The following GAREM1 variants were observed in gnomAD, a reference collection of about 807,000 sequenced individuals.
GAREM1 encodes the protein GRB2-associated and regulator of MAPK protein 1.
GAREM1 carries 26 observed loss-of-function variants against 71.3 expected under a neutral mutation model. The observed-to-expected ratio is 0.36, with a 90% confidence interval of 0.27 to 0.51. The LOEUF (loss-of-function observed/expected upper bound fraction) is 0.51, where lower values mean the gene tolerates loss of function less well. GAREM1 is among the 20% of genes least tolerant of loss of function. The pLI is 0.95. For synonymous variants in GAREM1, 440 were observed against 433.2 expected (o/e 1.02, Z -0.20); for missense variants, 1,026 against 1,103.1 (o/e 0.93, Z 0.99).
intron 2 of GAREM1, among the ~76,000 whole-genome samples, chr18:32,379,159 G>A (rs2048068708): frequency 6.6e-6 from 1 of 152,006 alleles, no homozygotes; most frequent in Non-Finnish European, 1.5e-5. Context: ...TAACAGCAGT[G>A]TATAAAAGCC....
At chr18:32,274,997 T>C (rs2041519447) in intron 4 of GAREM1, among the ~76,000 whole-genome samples, 1 of 150,714 alleles carries the variant, frequency 6.6e-6, no homozygotes, top group African/African-American at 2.4e-5. Flanking sequence ...CCATATACCA[T>C]AGAATATCTT....
At position 32,267,702 on chromosome 18, in the gene GAREM1, C is replaced by A. The variant is rs1191158734; in HGVS notation, c.*169G>T. On this transcript the variant is annotated 3_prime_UTR_variant, in exon 6 of 6. Coordinates refer to ENST00000269209, the MANE Select transcript of GAREM1 (RefSeq NM_001242409.2). Reference sequence around the variant, plus strand: ...TCTGTACAGCATTTTTATTGATGTACAAAATAGCCTGTTCACCATTCAAAA... The same window carrying A: ...TCTGTACAGCATTTTTATTGATGTAAAAAATAGCCTGTTCACCATTCAAAA... 6.7e-6 allele frequency: 4 copies of A among 594,682 alleles called. No individual in the cohort carries two copies. Among genetic ancestry groups the A allele is most frequent in the East Asian group, 2.8e-5 (1 of 35,938 alleles). 36.8% of individuals were successfully genotyped at this position (594,682 alleles called of 1,614,324 possible).
chr18:32,324,686 A>G (rs1318441961), intron 2 of GAREM1, among the ~76,000 whole-genome samples: 1 of 152,224 alleles, frequency 6.6e-6, no homozygotes, highest in Non-Finnish European at 1.5e-5. Flanking sequence ...ACAAAGTAAA[A>G]TAAAAACATA....
chr18:32,382,183 G>A (rs1396678095), intron 2 of GAREM1, among the ~76,000 whole-genome samples: 1 of 152,156 alleles, frequency 6.6e-6, no homozygotes, highest in Non-Finnish European at 1.5e-5. Context: ...TGCTGTATGA[G>A]ATAGGACTGT....
At chr18:32,384,323 G>A (rs1218293885) in intron 2 of GAREM1, among the ~76,000 whole-genome samples, 1 of 152,260 alleles carries the variant, frequency 6.6e-6, no homozygotes, top group Admixed American at 6.5e-5. Context: ...AGTGAAAGAT[G>A]AACTTTCACC....
At chr18:32,424,149 A>G (rs74937103) in intron 1 of GAREM1, among the ~76,000 whole-genome samples, 1 of 145,836 alleles carries the variant, frequency 6.9e-6, no homozygotes, top group Non-Finnish European at 1.5e-5. Flanking sequence ...CACCAGCCAG[A>G]AAAAAAAAAA....
intron 2 of GAREM1, among the ~76,000 whole-genome samples, chr18:32,382,975 T>G (rs1377985663): frequency 6.6e-6 from 1 of 152,186 alleles, no homozygotes; most frequent in Non-Finnish European, 1.5e-5. Context: ...GTATGGAATG[T>G]AGAAGGCATG....
intron 2 of GAREM1, among the ~76,000 whole-genome samples, chr18:32,348,317 G>C (rs1456569590): frequency 6.6e-6 from 1 of 152,146 alleles, no homozygotes; most frequent in Admixed American, 6.6e-5. Context: ...TATTTTGAGT[G>C]AATCAAAACT....
chr18:32,328,437 C>T (rs2047494314), intron 2 of GAREM1, among the ~76,000 whole-genome samples: 1 of 152,126 alleles, frequency 6.6e-6, no homozygotes, highest in African/African-American at 2.4e-5. Flanking sequence ...CTTCTTTCAG[C>T]AGTTACACTG....
intron 1 of GAREM1, among the ~76,000 whole-genome samples, chr18:32,404,000 G>C (rs936572548): frequency 3.1e-4 from 47 of 152,254 alleles, no homozygotes; most frequent in African/African-American, 1.1e-3. Context: ...AAGGAACAAA[G>C]GTATGCAGGA....
chr18:32,420,755 G>GAAAAAAAAAAAA (rs10683034), intron 1 of GAREM1, among the ~76,000 whole-genome samples: 5 of 123,198 alleles, frequency 4.1e-5, no homozygotes, highest in Admixed American at 7.9e-5. Flanking sequence ...CTTCAAAAAT[G>GAAAAAAAAAAAA]AAAAAAAAAA....
chr18:32,470,159 A>G lies in GAREM1; in HGVS notation c.121+149T>C. The G allele has an allele frequency of 1.0e-6, 1 of 978,232 alleles. No homozygotes were observed. The highest frequency in any genetic ancestry group is 1.3e-6 in the Non-Finnish European group (1 of 742,952). The allele number at this position is 978,232 out of a possible 1,614,324, so 60.6% of individuals were successfully genotyped here. A position where few individuals can be genotyped will look rare whatever the true frequency, so the allele number is the denominator to read the frequency against. ...TGGGGGGAGTTGAGAGCAACGCGCC[A>G]GGGCTGCGGCAGCCGCTCGGGCCAA... On this transcript the variant is annotated intron_variant, in intron 1 of 5. Transcript: ENST00000269209. The surrounding 1 kb of genome is among the most constrained non-coding windows in gnomAD (Gnocchi z 4.4).
At chr18:32,293,491 A>G (rs1431572268) in intron 3 of GAREM1, among the ~76,000 whole-genome samples, 1 of 152,220 alleles carries the variant, frequency 6.6e-6, no homozygotes, top group Non-Finnish European at 1.5e-5. Flanking sequence ...CCATGCTGAT[A>G]GCAAAAAGAT....
At chr18:32,458,746 A>G (rs1042794674) in intron 1 of GAREM1, among the ~76,000 whole-genome samples, 3 of 152,054 alleles carry the variant, frequency 2.0e-5, no homozygotes, top group African/African-American at 4.8e-5. Flanking sequence ...AAAGAAATAC[A>G]ACGTTTTCAT....
At chr18:32,436,720 T>G (rs2048682917) in intron 1 of GAREM1, among the ~76,000 whole-genome samples, 1 of 152,068 alleles carries the variant, frequency 6.6e-6, no homozygotes, top group South Asian at 2.1e-4. Context: ...GAAAAACCCA[T>G]TATTCTGATT....
intron 2 of GAREM1, among the ~76,000 whole-genome samples, chr18:32,342,132 A>C (rs1428092977): frequency 6.6e-6 from 1 of 152,158 alleles, no homozygotes; most frequent in Non-Finnish European, 1.5e-5. Context: ...CATAATCATC[A>C]CTTCTAACCA....
chr18:32,365,124 C>A (rs1206411627), intron 2 of GAREM1, among the ~76,000 whole-genome samples: 1 of 151,798 alleles, frequency 6.6e-6, no homozygotes, highest in Non-Finnish European at 1.5e-5. Flanking sequence ...TTTAAATGAG[C>A]GGAGGGCTGT....
intron 1 of GAREM1, among the ~76,000 whole-genome samples, chr18:32,436,722 ATTCTGATTACGCAGT>A (rs202095700): frequency 0.02 from 3,032 of 152,292 alleles, 95 homozygotes; most frequent in African/African-American, 0.068. Flanking sequence ...AAAACCCATT[ATTCTGATTACGCAGT>A]TTCAAACCTA....
chr18:32,430,418 G>A (rs573954872), intron 1 of GAREM1, among the ~76,000 whole-genome samples: 15 of 152,132 alleles, frequency 9.9e-5, no homozygotes, highest in South Asian at 4.1e-4. Context: ...CTTGTTTCTC[G>A]CAAGAGTACG....
Sources: gnomAD v4.1 joint callset for allele counts (sites outside exome capture counted in the v4.1 genomes callset) on GRCh38, gnomAD v4.1.1 for gene constraint, Gnocchi (gnomAD v3.1) non-coding constraint, MANE v1.5 for transcripts, NCBI Gene and HGNC (gene_info 2026-07-23, HGNC 2026-07-21) for gene names.